Variants in USP42 observed in about 807,000 individuals in gnomAD.
USP42 encodes ubiquitin specific peptidase 42.
A neutral mutation model predicts 113.0 loss-of-function variants in USP42; 23 were observed. That is an observed-to-expected ratio of 0.20 (90% CI 0.15 to 0.29). USP42 has a LOEUF of 0.29. Ranked by LOEUF, USP42 falls within the 10% of genes least tolerant of loss-of-function variation. The pLI, the probability that USP42 is intolerant of heterozygous loss-of-function variation, is 1.00. For missense variants in USP42, 2,174 were observed against 1,779.8 expected, an observed-to-expected ratio of 1.22 and a Z score of -3.99; for synonymous variants, 933 against 699.0, an observed-to-expected ratio of 1.33 and a Z score of -5.28.
intron 1 of USP42, among the ~76,000 whole-genome samples, chr7:6,109,791 C>T (rs1779496895): frequency 6.7e-6 from 1 of 150,126 alleles, no homozygotes; most frequent in Non-Finnish European, 1.5e-5. Flanking sequence ...ACTTCTGTCT[C>T]CCAGGTTCAA....
intron 2 of USP42, among the ~76,000 whole-genome samples, chr7:6,114,384 C>T (rs1035973886): frequency 6.6e-6 from 1 of 151,804 alleles, no homozygotes; most frequent in African/African-American, 2.4e-5. Context: ...TTATAATGAA[C>T]TCTCATGTAG....
rs1204820032 is a variant in USP42 at position 6,117,227 on chromosome 7, C to CTG, written c.442+1705_442+1706dup. On this transcript the variant is annotated intron_variant, in intron 3 of 17. Coordinates refer to ENST00000306177, the MANE Select transcript of USP42 (RefSeq NM_032172.3). Reference sequence around the variant, plus strand: ...TCCCCACCCTCCTGCCCGGCAACCACTGATCTGCTTTCCGTCACTATAGAT... The same window carrying CTG: ...TCCCCACCCTCCTGCCCGGCAACCACTGTGATCTGCTTTCCGTCACTATAGAT... Among the ~76,000 whole-genome samples, 6 of 152,272 alleles carry CTG rather than the reference C, an allele frequency of 3.9e-5. No individual in the cohort carries two copies. In the East Asian group the frequency reaches 5.8e-4, roughly 15 times the overall value.
At chr7:6,142,142 A>C (rs1395926478) in intron 7 of USP42, among the ~76,000 whole-genome samples, 1 of 152,044 alleles carries the variant, frequency 6.6e-6, no homozygotes, top group African/African-American at 2.4e-5. Flanking sequence ...TCATTTTTAA[A>C]TGGGAGAGGA....
rs1164447825 is a variant in USP42, at chr7:6,144,069, T to C, written c.879-16T>C. On this transcript the variant is annotated splice_polypyrimidine_tract_variant and intron_variant, in intron 8 of 17. Transcript: ENST00000306177. ...TATATTCGTCTTCTTATACTTTTGT[T>C]TCTGTTTGTTTCAAGGTGTAAAAAG... 6.7e-6 allele frequency: 10 copies of C among 1,495,540 alleles called. No individual in the cohort carries two copies. The highest frequency in any genetic ancestry group is 8.1e-6 in the Non-Finnish European group (9 of 1,114,134). The allele number at this position is 1,495,540 out of a possible 1,614,324, so 92.6% of individuals were successfully genotyped here.
intron 2 of USP42, 46 bp downstream of exon 2, chr7:6,111,420 A>T: frequency 6.3e-7 from 1 of 1,594,122 alleles, no homozygotes; most frequent in Non-Finnish European, 8.6e-7. Context: ...ACTCCTGTGT[A>T]AATGCTGCTG....
chr7:6,136,469 A>G (rs1004518860), intron 4 of USP42, among the ~76,000 whole-genome samples: 14 of 152,210 alleles, frequency 9.2e-5, no homozygotes, highest in Admixed American at 6.5e-5. Context: ...AAAGATGACA[A>G]TATATTAAAG....
chr7:6,150,022 C>T lies in USP42; in HGVS notation c.1826C>T (p.Ala609Val). The change falls in exon 13 of 18, where the codon GCC (alanine) becomes GTC (valine). Residue 609 changes from alanine to valine, a missense_variant. By Grantham distance (64) the Ala-to-Val change is moderately conservative (BLOSUM62 0). Transcript: ENST00000306177. ...TCCAGCGTGCTGGTGCCCTATGGCG[C>T]CGAGTCCTCTGAGGACTCTGACGAG... is the stretch of plus-strand genomic sequence containing the variant. ...LNSSVLVPYG[A>V]ESSEDSDEES... The T allele has an allele frequency of 6.2e-7, 1 of 1,612,712 alleles. No individual in the cohort carries two copies.
intron 3 of USP42, among the ~76,000 whole-genome samples, chr7:6,123,367 A>G (rs1196209566): frequency 1.3e-5 from 2 of 152,048 alleles, no homozygotes; most frequent in African/African-American, 4.8e-5. Context: ...TATAATATAA[A>G]ATATTAAAAA....
chr7:6,104,239 C>T (rs183295465), upstream of USP42, among the ~76,000 whole-genome samples: 1 of 151,218 alleles, frequency 6.6e-6, no homozygotes, highest in Non-Finnish European at 1.5e-5. Flanking sequence ...CGCGCCACCA[C>T]GCCCGGCTAA....
Position 6,158,466 on chromosome 7 carries a change from G to T in USP42, c.3944-984G>T, listed in dbSNP as rs1782585912. 6.7e-6 allele frequency among the ~76,000 whole-genome samples: 1 copy of T among 150,304 alleles called. No individual in the cohort carries two copies. The highest frequency in any genetic ancestry group is 1.5e-5 in the Non-Finnish European group (1 of 67,996). ...TGAGTTGTGGGTTAGGTGGAGCTGTGTGTTCTGGGGAAGGCCTGTCCCTCC... is the reference window on the plus strand; with the variant it reads ...TGAGTTGTGGGTTAGGTGGAGCTGTTTGTTCTGGGGAAGGCCTGTCCCTCC... On this transcript the variant is annotated intron_variant, in intron 16 of 17. Transcript: ENST00000306177. This position sits in a 1 kb window ranked among gnomAD's most constrained non-coding sequence, Gnocchi z 4.2.
intron 1 of USP42, among the ~76,000 whole-genome samples, chr7:6,106,038 T>C (rs1349009992): frequency 2.0e-5 from 3 of 152,252 alleles, no homozygotes; most frequent in East Asian, 1.9e-4. Context: ...CGAAGAGTTG[T>C]ACATTTTAAA....
intron 2 of USP42, among the ~76,000 whole-genome samples, chr7:6,112,774 G>T (rs964074961): frequency 1.3e-5 from 2 of 151,998 alleles, no homozygotes; most frequent in African/African-American, 4.8e-5. Context: ...GTTAGTGTTA[G>T]TGTATTTTAC....
At chr7:6,119,587 G>A (rs937205573) in intron 3 of USP42, among the ~76,000 whole-genome samples, 1 of 152,192 alleles carries the variant, frequency 6.6e-6, no homozygotes, top group Non-Finnish European at 1.5e-5. Context: ...TATTTTGATT[G>A]GGACTGTGCT....
upstream of USP42, among the ~76,000 whole-genome samples, chr7:6,103,763 TAAA>T (rs1233629168): frequency 1.5e-5 from 2 of 135,872 alleles, no homozygotes; most frequent in East Asian, 2.5e-4. Flanking sequence ...AAACAAAACT[TAAA>T]AAATTAGTCG....
intron 2 of USP42, among the ~76,000 whole-genome samples, chr7:6,115,054 T>G (rs1055651957): frequency 1.3e-5 from 2 of 152,122 alleles, no homozygotes; most frequent in Non-Finnish European, 2.9e-5. Flanking sequence ...CACTTTGCAT[T>G]TGGTAGATAT....
At position 6,144,266 on chromosome 7, in the gene USP42, A is replaced by G; in HGVS notation, c.990+70A>G. The G allele has an allele frequency of 7.0e-6, 7 of 1,006,390 alleles. No individual in the cohort carries two copies. The South Asian group carries it at 9.8e-5, about 14-fold the overall frequency. 62.3% of individuals were successfully genotyped at this position (1,006,390 alleles called of 1,614,324 possible). On this transcript the variant is annotated intron_variant, in intron 9 of 17. Transcript: ENST00000306177. ...GAAGCTTAACGTGTCTGTAGCTATT[A>G]AGGATTAAGGACTCGACTTTCTCAT... is the stretch of plus-strand genomic sequence containing the variant.
chr7:6,157,051 C>A lies in USP42; in HGVS notation c.3939C>A (p.Gly1313=). The change falls in exon 16 of 18, where the codon GGC becomes GGA. Residue 1313 remains glycine (G), a synonymous_variant. Transcript: ENST00000306177. This position sits in a 1 kb window ranked among gnomAD's most constrained non-coding sequence, Gnocchi z 4.1. ...RDDRCRLFEY[G]QGD ...ACAGGTGTCGTCTCTTTGAGTATGG[C>A]CAGGGTAAGAGGAGATACTTGGAAT... 1 of 1,598,006 alleles carries A rather than the reference C, an allele frequency of 6.3e-7. No individual in the cohort carries two copies. The highest frequency in any genetic ancestry group is 8.5e-7 in the Non-Finnish European group (1 of 1,174,456).
chr7:6,083,991 C>T, the USP42 span, among the ~76,000 whole-genome samples: 7 of 150,634 alleles, frequency 4.6e-5, no homozygotes, highest in Non-Finnish European at 1.0e-4. Flanking sequence ...GTAGGTCGTC[C>T]GTGAGTTAAG....
At position 6,161,397 on chromosome 7, in the gene USP42, A is replaced by T. The variant is rs1384937833; in HGVS notation, c.*879A>T. ...CAGGAGATGGAGTGGGGAAAACTGT[A>T]TTTAATACAGTTTGTATCTGAATAA... On this transcript the variant is annotated 3_prime_UTR_variant, in exon 18 of 18. Transcript: ENST00000306177. 1 of 152,594 alleles carries T rather than the reference A, an allele frequency of 6.6e-6. No homozygotes were observed. The highest frequency in any genetic ancestry group is 2.4e-5 in the African/African-American group (1 of 41,440). 9.5% of individuals were successfully genotyped at this position (152,594 alleles called of 1,614,324 possible). A position where few individuals can be genotyped will look rare whatever the true frequency, so the allele number is the denominator to read the frequency against.
Sources: allele counts gnomAD v4.1 joint callset (sites outside exome capture counted in the v4.1 genomes callset), GRCh38; gene constraint gnomAD v4.1.1; non-coding constraint Gnocchi (gnomAD v3.1); transcripts MANE v1.5; gene names NCBI Gene and HGNC (gene_info 2026-07-23, HGNC 2026-07-21).